The following GPR146 variants were observed in gnomAD, a reference collection of about 807,000 sequenced individuals.
GPR146 encodes G-protein coupled receptor 146.
For synonymous variants in GPR146, 203 were observed against 104.3 expected (o/e 1.95, Z -5.77); for missense variants, 381 against 213.9 (o/e 1.78, Z -4.87).
Position 1,059,064 on chromosome 7 carries a change from A to G in GPR146, c.*547A>G, listed in dbSNP as rs529394645. 5.8e-6 allele frequency: 1 copy of G among 173,612 alleles called. No individual in the cohort carries two copies. The highest frequency in any genetic ancestry group is 1.8e-4 in the South Asian group (1 of 5,430). The allele number at this position is 173,612 out of a possible 1,614,324, so 10.8% of individuals were successfully genotyped here. On this transcript the variant is annotated 3_prime_UTR_variant, in exon 2 of 2. Coordinates refer to ENST00000444847, the MANE Select transcript of GPR146 (RefSeq NM_001303473.2). ...AGAACATTTCACAGAAGTGCCTGAG[A>G]CGCGGAGACATGGCTGGTGTTAAAT...
chr7:1,047,291 A>G (rs1010288043), intron 1 of GPR146, among the ~76,000 whole-genome samples: 9 of 152,224 alleles, frequency 5.9e-5, no homozygotes, highest in Admixed American at 6.5e-5. Flanking sequence ...GCTATTATCC[A>G]TGGAAAAAGA....
chr7:1,058,007 C>G lies in GPR146; in HGVS notation c.492C>G (p.Leu164=), dbSNP rs1412977245. ...GALLTSFSSL[L]FYICSHVSTR... ...TGCTGACCAGCTTCTCCTCGCTGCT[C>G]TTCTACATCTGCAGCCATGTGTCCA... Residue 164 remains leucine, a synonymous_variant, in exon 2 of 2, where the codon CTC becomes CTG. Transcript: ENST00000444847. 8 of 770,002 alleles carry G rather than the reference C, an allele frequency of 1.0e-5. No individual in the cohort carries two copies. Among genetic ancestry groups the G allele is most frequent in the Non-Finnish European group, 1.9e-5 (8 of 417,964 alleles). The allele number at this position is 770,002 out of a possible 1,614,324, so 47.7% of individuals were successfully genotyped here.
At chr7:1,055,803 C>G (rs2128202710) in intron 1 of GPR146, among the ~76,000 whole-genome samples, 1 of 152,270 alleles carries the variant, frequency 6.6e-6, no homozygotes, top group South Asian at 2.1e-4. Context: ...TAATCACAGA[C>G]CCTGGACAGA....
chr7:1,048,860 A>G (rs1039741853), intron 1 of GPR146, among the ~76,000 whole-genome samples: 1 of 152,202 alleles, frequency 6.6e-6, no homozygotes, highest in African/African-American at 2.4e-5. Context: ...TCTCCTTCTC[A>G]GTCCCATGTT....
Position 1,053,759 on chromosome 7 carries a change from G to A in GPR146, c.-24-3733G>A, listed in dbSNP as rs532580359. On this transcript the variant is annotated intron_variant, in intron 1 of 1. Transcript: ENST00000444847. ...GGAGAATCGCTTGAACCCGGGAGGC[G>A]GAGGTTGCAGTGAGCTGAGATCGTG... Among the ~76,000 whole-genome samples the A allele has an allele frequency of 1.8e-4, 27 of 152,250 alleles. 1 individual carries two copies. The South Asian group carries it at 1.9e-3, about 11-fold the overall frequency.
intron 1 of GPR146, among the ~76,000 whole-genome samples, chr7:1,051,145 G>C (rs763530588): frequency 2.6e-5 from 4 of 152,238 alleles, no homozygotes; most frequent in Non-Finnish European, 5.9e-5. Context: ...TACAAGCAGC[G>C]TGTGGGCAGA....
intron 1 of GPR146, among the ~76,000 whole-genome samples, chr7:1,053,412 A>AG (rs1783355324): frequency 6.6e-6 from 1 of 152,132 alleles, no homozygotes; most frequent in Admixed American, 6.6e-5. Context: ...GTTGGCTGTG[A>AG]GGGTCGGGCA....
At chr7:1,044,899 G>A (rs1172387164) in intron 1 of GPR146, among the ~76,000 whole-genome samples, 1 of 152,278 alleles carries the variant, frequency 6.6e-6, no homozygotes, top group African/African-American at 2.4e-5. Context: ...ACCTGGTGAT[G>A]GCAGCTGAAT....
At chr7:1,057,219 G>A (rs893281205) in intron 1 of GPR146, among the ~76,000 whole-genome samples, 1 of 152,144 alleles carries the variant, frequency 6.6e-6, no homozygotes, top group African/African-American at 2.4e-5. Flanking sequence ...CGTGAAGAGT[G>A]GGCTCTGAGA....
At chr7:1,053,044 G>A (rs901344458) in intron 1 of GPR146, among the ~76,000 whole-genome samples, 7 of 152,258 alleles carry the variant, frequency 4.6e-5, no homozygotes, top group African/African-American at 1.4e-4. Flanking sequence ...TGGCTGACGG[G>A]AAAGAAGGCA....
At chr7:1,049,679 C>A (rs570189614) in intron 1 of GPR146, among the ~76,000 whole-genome samples, 1 of 152,220 alleles carries the variant, frequency 6.6e-6, no homozygotes, top group Non-Finnish European at 1.5e-5. Context: ...AGGCTTACTA[C>A]GAAGCCCTGT....
At position 1,054,263 on chromosome 7, in the gene GPR146, G is replaced by C. The variant is rs539979183; in HGVS notation, c.-24-3229G>C. Among the ~76,000 whole-genome samples the C allele has an allele frequency of 4.6e-5, 7 of 152,358 alleles. No individual in the cohort carries two copies. The South Asian group carries it at 1.4e-3, about 32-fold the overall frequency. On this transcript the variant is annotated intron_variant, in intron 1 of 1. Transcript: ENST00000444847. ...AACCGGCGGAGAGTGAAGGAAAACAGGTACGGCTCGGCTTGTAACCTTCAC... is the reference window on the plus strand; with the variant it reads ...AACCGGCGGAGAGTGAAGGAAAACACGTACGGCTCGGCTTGTAACCTTCAC...
chr7:1,054,772 C>T (rs1250981859), intron 1 of GPR146, among the ~76,000 whole-genome samples: 2 of 152,244 alleles, frequency 1.3e-5, no homozygotes, highest in Non-Finnish European at 2.9e-5. Flanking sequence ...CAGCTTTTCT[C>T]TGGCCATGCC....
intron 1 of GPR146, chr7:1,045,932 G>A (rs1478063330): frequency 6.6e-6 from 1 of 152,272 alleles, no homozygotes; most frequent in African/African-American, 2.4e-5. Context: ...GGAGGACAGA[G>A]GAACACAGAT....
chr7:1,049,787 G>A (rs1022075308), intron 1 of GPR146, among the ~76,000 whole-genome samples: 6 of 152,224 alleles, frequency 3.9e-5, no homozygotes, highest in African/African-American at 1.4e-4. Flanking sequence ...ACAGTTTTAG[G>A]ACTGTTTTCG....
intron 1 of GPR146, among the ~76,000 whole-genome samples, chr7:1,049,904 C>T (rs1241912918): frequency 6.6e-6 from 1 of 152,168 alleles, no homozygotes; most frequent in African/African-American, 2.4e-5. Flanking sequence ...CCTGGGCCCT[C>T]CTGATTGCCT....
chr7:1,052,376 G>A lies in GPR146; in HGVS notation c.-24-5116G>A, dbSNP rs1433403109. Among the ~76,000 whole-genome samples, 2 of 152,238 alleles carry A rather than the reference G, an allele frequency of 1.3e-5. No homozygotes were observed. The highest frequency in any genetic ancestry group is 2.9e-5 in the Non-Finnish European group (2 of 68,030). On this transcript the variant is annotated intron_variant, in intron 1 of 1. Transcript: ENST00000444847. The surrounding 1 kb of genome is among the most constrained non-coding windows in gnomAD (Gnocchi z 4.2). ...TGGGGCTGCTTGTGCTGGCACCGACGTGGGCCTGGGGAGGGACCTGTGTGT... is the reference window on the plus strand; with the variant it reads ...TGGGGCTGCTTGTGCTGGCACCGACATGGGCCTGGGGAGGGACCTGTGTGT...
rs4723863 is a variant in GPR146 at position 1,052,375 on chromosome 7, C to T, written c.-24-5117C>T. Among the ~76,000 whole-genome samples the T allele has an allele frequency of 0.17, 25,614 of 151,942 alleles. 2,266 individuals carry two copies. Among genetic ancestry groups the T allele is most frequent in the Admixed American group, 0.21 (3,253 of 15,290 alleles). Reference sequence around the variant, plus strand: ...TTGGGGCTGCTTGTGCTGGCACCGACGTGGGCCTGGGGAGGGACCTGTGTG... The same window carrying T: ...TTGGGGCTGCTTGTGCTGGCACCGATGTGGGCCTGGGGAGGGACCTGTGTG... On this transcript the variant is annotated intron_variant, in intron 1 of 1. Transcript: ENST00000444847. This position sits in a 1 kb window ranked among gnomAD's most constrained non-coding sequence, Gnocchi z 4.2.
chr7:1,056,508 C>A (rs922639537), intron 1 of GPR146: 1 of 152,442 alleles, frequency 6.6e-6, no homozygotes, highest in African/African-American at 2.4e-5. Context: ...TGCCTAGCCA[C>A]AGGGCCGTGT....
Sources: allele counts gnomAD v4.1 joint callset (sites outside exome capture counted in the v4.1 genomes callset), GRCh38; gene constraint gnomAD v4.1.1; non-coding constraint Gnocchi (gnomAD v3.1); transcripts MANE v1.5; gene names NCBI Gene and HGNC (gene_info 2026-07-23, HGNC 2026-07-21).